The following APH1B variants were observed in gnomAD, a reference collection of about 807,000 sequenced individuals.
The protein encoded by APH1B is aph-1B gamma-secretase subunit, also known as gamma-secretase subunit APH-1B.
In APH1B, 27 loss-of-function variants were observed where a neutral mutation model predicts 28.2. The observed-to-expected ratio is 0.96, with a 90% confidence interval of 0.70 to 1.32. The LOEUF is 1.32. APH1B is among the 40% of genes most tolerant of loss of function. APH1B has a pLI of 0.00. For missense variants in APH1B, 305 were observed against 313.6 expected (o/e 0.97, Z 0.21); for synonymous variants, 141 against 124.6 (o/e 1.13, Z -0.88).
At chr15:63,281,415 C>CT (rs2038386343) in intron 2 of APH1B, among the ~76,000 whole-genome samples, 1 of 151,854 alleles carries the variant, frequency 6.6e-6, no homozygotes, top group African/African-American at 2.4e-5. Context: ...GCAGTGCAGA[C>CT]TAAGTAGTAC....
intron 2 of APH1B, among the ~76,000 whole-genome samples, chr15:63,284,990 T>C (rs1039804729): frequency 6.6e-6 from 1 of 152,234 alleles, no homozygotes; most frequent in African/African-American, 2.4e-5. Flanking sequence ...CTTTTAACGG[T>C]ATCACTATGA....
chr15:63,293,236 C>T (rs1489053056), intron 4 of APH1B, among the ~76,000 whole-genome samples: 2 of 151,652 alleles, frequency 1.3e-5, no homozygotes, highest in East Asian at 1.9e-4. Flanking sequence ...GCGGTCTCGG[C>T]TCACTGCAAG....
In APH1B at chr15:63,305,934, C is replaced by A; in HGVS notation, c.*153C>A. ...CATTCACTTGGCTTTCACACAACTG[C>A]TCTCCGAAAGGGGTGCTCAGTGGTG... On this transcript the variant is annotated 3_prime_UTR_variant, in exon 6 of 6. Transcript: ENST00000261879. 9.6e-7 allele frequency: 1 copy of A among 1,042,288 alleles called. No individual in the cohort carries two copies. The highest frequency in any genetic ancestry group is 2.7e-5 in the East Asian group (1 of 37,008). 64.6% of individuals were successfully genotyped at this position (1,042,288 alleles called of 1,614,324 possible).
At chr15:63,301,312 G>A (rs1430821702) in intron 4 of APH1B, among the ~76,000 whole-genome samples, 1 of 152,226 alleles carries the variant, frequency 6.6e-6, no homozygotes, top group African/African-American at 2.4e-5. Context: ...TGTCAGACTT[G>A]AATTTTTGCC....
intron 5 of APH1B, 22 bp downstream of exon 5, chr15:63,302,494 A>T: frequency 6.2e-7 from 1 of 1,609,438 alleles, no homozygotes; most frequent in Non-Finnish European, 8.5e-7. Context: ...CGCCATGCTC[A>T]GACTGTATTC....
intron 4 of APH1B, among the ~76,000 whole-genome samples, chr15:63,290,148 G>A (rs1180133601): frequency 6.6e-6 from 1 of 152,130 alleles, no homozygotes; most frequent in African/African-American, 2.4e-5. Context: ...TCAGCCTGTA[G>A]TATATATCTG....
At chr15:63,294,259 T>C (rs1473999656) in intron 4 of APH1B, among the ~76,000 whole-genome samples, 1 of 152,192 alleles carries the variant, frequency 6.6e-6, no homozygotes, top group African/African-American at 2.4e-5. Context: ...CATATTTTAT[T>C]AATTACATCT....
At chr15:63,297,396 G>T (rs1026643602) in intron 4 of APH1B, among the ~76,000 whole-genome samples, 1 of 152,102 alleles carries the variant, frequency 6.6e-6, no homozygotes, top group African/African-American at 2.4e-5. Flanking sequence ...GGGCCTGGTG[G>T]TGCACACCTG....
intron 4 of APH1B, among the ~76,000 whole-genome samples, chr15:63,297,916 A>G (rs1469487903): frequency 6.6e-6 from 1 of 152,214 alleles, no homozygotes; most frequent in African/African-American, 2.4e-5. Flanking sequence ...GACTGCATAA[A>G]TGAGCCGAGT....
intron 2 of APH1B, among the ~76,000 whole-genome samples, chr15:63,281,176 C>T (rs188040842): frequency 7.1e-4 from 108 of 152,014 alleles, no homozygotes; most frequent in Non-Finnish European, 1.3e-3. Context: ...TCCCTTCTGA[C>T]CGCTGCCTTA....
At chr15:63,286,381 G>T (rs1472520305) in intron 2 of APH1B, among the ~76,000 whole-genome samples, 177 bp from the exon 3 acceptor site, 1 of 152,166 alleles carries the variant, frequency 6.6e-6, no homozygotes, top group Non-Finnish European at 1.5e-5. Flanking sequence ...TTTGGTTGAT[G>T]TTAGTTCATT....
chr15:63,307,323 C>T lies in APH1B; in HGVS notation c.*1542C>T, dbSNP rs142392559. On this transcript the variant is annotated 3_prime_UTR_variant, in exon 6 of 6. Coordinates refer to ENST00000261879, the MANE Select transcript of APH1B (RefSeq NM_031301.4). Reference sequence around the variant, plus strand: ...CCTTACTCATGAACTAGACCTTTATCGATATCAGTGAACCCCCATGTTTAA... The same window carrying T: ...CCTTACTCATGAACTAGACCTTTATTGATATCAGTGAACCCCCATGTTTAA... The T allele has an allele frequency of 1.8e-3, 272 of 152,112 alleles. 1 individual carries two copies. Among genetic ancestry groups the T allele is most frequent in the African/African-American group, 6.3e-3 (263 of 41,502 alleles). 9.4% of individuals were successfully genotyped at this position (152,112 alleles called of 1,614,324 possible).
In APH1B at chr15:63,302,407, T is replaced by C. The variant is rs145598376; in HGVS notation, c.541T>C (p.Cys181Arg). Reference protein sequence around the residue: ...VFWGIVFFDGCEKKKWGILLI... With the variant: ...VFWGIVFFDGREKKKWGILLI... ...CTGGGGCATTGTATTTTTTGATGGC[T>C]GTGAGAAGAAAAAGTGGGGCATCCT... The change falls in exon 5 of 6, where the codon TGT becomes CGT. Residue 181 changes from cysteine to arginine, a missense_variant. Physicochemically the swap from Cys to Arg is radical, Grantham distance 180 (BLOSUM62 -3). Transcript: ENST00000261879. The C allele has an allele frequency of 4.3e-6, 7 of 1,614,068 alleles. No individual in the cohort carries two copies. The African/African-American group carries it at 9.3e-5, about 22-fold the overall frequency.
At chr15:63,289,971 C>T (rs1595761284) in intron 4 of APH1B, among the ~76,000 whole-genome samples, 1 of 151,830 alleles carries the variant, frequency 6.6e-6, no homozygotes, top group East Asian at 1.9e-4. Context: ...CCACTGCAAT[C>T]CAGCCTGAGT....
In APH1B at chr15:63,279,172, G is replaced by A; in HGVS notation, c.125G>A (p.Trp42Ter). ...IIFLIAGAFF[W>*]LVSLLISSLV... The stretch of plus-strand genomic sequence containing the variant: ...CCCGTATTTTTCAGAGCTTTCTTCT[G>A]GTTGGTGTCTCTACTGATTTCGTCC... The change falls in exon 2 of 6, where the codon TGG becomes TAG. Residue 42 changes from tryptophan (W) to a stop codon, truncating the protein, a stop_gained. Transcript: ENST00000261879. LOFTEE classifies it high-confidence loss of function. The A allele has an allele frequency of 6.3e-7, 1 of 1,591,392 alleles. No homozygotes were observed. The highest frequency in any genetic ancestry group is 8.6e-7 in the Non-Finnish European group (1 of 1,163,788).
At chr15:63,288,059 G>T (rs2038466055) in intron 4 of APH1B, among the ~76,000 whole-genome samples, 2 of 152,176 alleles carry the variant, frequency 1.3e-5, no homozygotes, top group Admixed American at 1.3e-4. Context: ...TCATGATGCA[G>T]TGATCACAAA....
intron 4 of APH1B, chr15:63,291,812 ATT>A (rs1392724944): frequency 2.0e-5 from 3 of 152,196 alleles, no homozygotes; most frequent in Non-Finnish European, 4.4e-5. Flanking sequence ...TATTTGCATG[ATT>A]GGACCTTCCT....
chr15:63,285,898 T>C (rs1432601159), intron 2 of APH1B, among the ~76,000 whole-genome samples: 1 of 152,250 alleles, frequency 6.6e-6, no homozygotes, highest in African/African-American at 2.4e-5. Flanking sequence ...ATTGGTGATA[T>C]AAAACAAATA....
At position 63,304,482 on chromosome 15, in the gene APH1B, A is replaced by C. The variant is rs915251201; in HGVS notation, c.607-1132A>C. ...AGTTCTTTATGTTTTCTGTAAAAGA[A>C]AAAATCTTTTGTCAGATGTATGTAT... On this transcript the variant is annotated intron_variant, in intron 5 of 5. Transcript: ENST00000261879. This position sits in a 1 kb window ranked among gnomAD's most constrained non-coding sequence, Gnocchi z 5.1. Among the ~76,000 whole-genome samples the C allele has an allele frequency of 6.6e-5, 10 of 152,322 alleles. No homozygotes were observed. Among genetic ancestry groups the C allele is most frequent in the African/African-American group, 2.4e-4 (10 of 41,580 alleles).
Sources: allele counts gnomAD v4.1 joint callset (sites outside exome capture counted in the v4.1 genomes callset), GRCh38; gene constraint gnomAD v4.1.1; non-coding constraint Gnocchi (gnomAD v3.1); transcripts MANE v1.5; gene names NCBI Gene and HGNC (gene_info 2026-07-23, HGNC 2026-07-21).